The following C16orf95 variants were observed in gnomAD, a reference collection of about 807,000 sequenced individuals.
C16orf95 encodes uncharacterized protein C16orf95.
In C16orf95, 41 loss-of-function variants were observed where a neutral mutation model predicts 32.1. The observed-to-expected ratio is 1.28, with a 90% confidence interval of 1.00 to 1.66. The LOEUF (loss-of-function observed/expected upper bound fraction) is 1.66, where lower values mean the gene tolerates loss of function less well. C16orf95 is among the 40% of genes most tolerant of loss of function. The pLI, the probability that C16orf95 is intolerant of heterozygous loss-of-function variation, is 0.00. For synonymous variants in C16orf95, 147 were observed against 128.9 expected (o/e 1.14, Z -0.95); for missense variants, 399 against 325.9 (o/e 1.22, Z -1.73).
chr16:87,315,163 C>T (rs764651957), intron 2 of C16orf95, 67 bp from the exon 3 acceptor site: 93 of 1,482,128 alleles, frequency 6.3e-5, no homozygotes, highest in Non-Finnish European at 7.8e-5. Context: ...AGGAGGCTCT[C>T]AAGCACAGTA....
In C16orf95 at chr16:87,305,771, G is replaced by A. The variant is rs750278087; in HGVS notation, c.649C>T (p.Leu217Phe). 8 of 1,519,046 alleles carry A rather than the reference G, an allele frequency of 5.3e-6. No individual in the cohort carries two copies. Among genetic ancestry groups the A allele is most frequent in the Non-Finnish European group, 7.0e-6 (8 of 1,138,752 alleles). The allele number at this position is 1,519,046 out of a possible 1,614,324, so 94.1% of individuals were successfully genotyped here. A position where few individuals can be genotyped will look rare whatever the true frequency, so the allele number is the denominator to read the frequency against. ...GCCTGGAGGAGGGTCAGGAGGCCGAGGGGCAGCAGACGCGCTGCAGGAGCC... is the reference window on the plus strand; with the variant it reads ...GCCTGGAGGAGGGTCAGGAGGCCGAAGGGCAGCAGACGCGCTGCAGGAGCC... ...LPAPAARLLP[L>F]GLLTLLQAIP... Residue 217 changes from leucine (L) to phenylalanine (F), a missense_variant, in exon 6 of 7, where the codon CTC becomes TTC. Coordinates refer to ENST00000567970, the MANE Select transcript of C16orf95 (RefSeq NM_001195124.3). This position sits in a 1 kb window ranked among gnomAD's most constrained non-coding sequence, Gnocchi z 4.2.
At chr16:87,306,111 TG>T (rs1911017233) in intron 5 of C16orf95, 1 of 421,606 alleles carries the variant, frequency 2.4e-6, no homozygotes, top group African/African-American at 2.1e-5. Flanking sequence ...ACGGCAGCCT[TG>T]GGGCTGTTTT....
chr16:87,305,147 G>A lies in C16orf95; in HGVS notation c.701+572C>T. On this transcript the variant is annotated intron_variant, in intron 6 of 6. Coordinates refer to ENST00000567970, the MANE Select transcript of C16orf95 (RefSeq NM_001195124.3). The surrounding 1 kb of genome is among the most constrained non-coding windows in gnomAD (Gnocchi z 4.2). ...AAGCCCAGCTGTGGCCCGGGGAGTG[G>A]CCCCGGAGGCTTCCTGGGGGAGGTA... Among the ~76,000 whole-genome samples the A allele has an allele frequency of 6.6e-6, 1 of 152,184 alleles. No individual in the cohort carries two copies.
chr16:87,307,700 G>A (rs1911088652), intron 5 of C16orf95, among the ~76,000 whole-genome samples: 1 of 152,222 alleles, frequency 6.6e-6, no homozygotes, highest in Non-Finnish European at 1.5e-5. Flanking sequence ...AGAGCTTGCA[G>A]TGAGCCGAGA....
rs1169482136 is a variant in C16orf95 at position 87,305,910 on chromosome 16, G to A, written c.515-5C>T. 5 of 1,412,000 alleles carry A rather than the reference G, an allele frequency of 3.5e-6. No homozygotes were observed. In the East Asian group the frequency reaches 1.2e-4, roughly 33 times the overall value. 87.5% of individuals were successfully genotyped at this position (1,412,000 alleles called of 1,614,324 possible). ...AGCATGCATCCAGCAGGGGTGCTAGGCAAAGAAAAGGTGGGTTGAGGACAG... is the reference window on the plus strand; with the variant it reads ...AGCATGCATCCAGCAGGGGTGCTAGACAAAGAAAAGGTGGGTTGAGGACAG... On this transcript the variant is annotated splice_polypyrimidine_tract_variant and splice_region_variant and intron_variant, in intron 5 of 6. Transcript: ENST00000567970. The surrounding 1 kb of genome is among the most constrained non-coding windows in gnomAD (Gnocchi z 4.2).
intron 3 of C16orf95, among the ~76,000 whole-genome samples, chr16:87,312,468 C>A (rs1911326045): frequency 6.7e-6 from 1 of 149,500 alleles, no homozygotes; most frequent in African/African-American, 2.5e-5. Context: ...ACCCGGGAGA[C>A]TGAGGCAGGA....
chr16:87,310,931 C>T (rs1442483569), intron 4 of C16orf95, among the ~76,000 whole-genome samples: 1 of 152,164 alleles, frequency 6.6e-6, no homozygotes, highest in Admixed American at 6.5e-5. Context: ...CTTCCAGTGC[C>T]AACTGGGAGA....
At chr16:87,308,182 C>T (rs74251048) in intron 5 of C16orf95, among the ~76,000 whole-genome samples, 1 of 152,058 alleles carries the variant, frequency 6.6e-6, no homozygotes, top group African/African-American at 2.4e-5. Context: ...TCAAAACACT[C>T]CCATAATAAG....
At chr16:87,315,222 A>G (rs1465415954) in intron 2 of C16orf95, 126 bp from the exon 3 acceptor site, 9 of 1,002,218 alleles carry the variant, frequency 9.0e-6, no homozygotes, top group African/African-American at 1.6e-5. Flanking sequence ...CCCAGCTCCT[A>G]CTGCAGCTTG....
intron 5 of C16orf95, among the ~76,000 whole-genome samples, chr16:87,309,942 C>T (rs1477299229): frequency 6.6e-6 from 1 of 152,054 alleles, no homozygotes; most frequent in Non-Finnish European, 1.5e-5. Flanking sequence ...TGTACTATGT[C>T]ATAAATATAT....
At chr16:87,311,837 G>C (rs1487684384) in intron 3 of C16orf95, among the ~76,000 whole-genome samples, 1 of 152,180 alleles carries the variant, frequency 6.6e-6, no homozygotes, top group Non-Finnish European at 1.5e-5. Context: ...CCATTGTCAG[G>C]AGTGAATGGA....
chr16:87,308,647 A>G (rs377024730), intron 5 of C16orf95, among the ~76,000 whole-genome samples: 1 of 152,194 alleles, frequency 6.6e-6, no homozygotes, highest in East Asian at 1.9e-4. Flanking sequence ...GACCACGTTC[A>G]GCTCTCGATA....
intron 3 of C16orf95, among the ~76,000 whole-genome samples, chr16:87,312,568 C>CAAAAAAAAAAAAAAAA (rs71389850): frequency 3.5e-5 from 3 of 86,012 alleles, no homozygotes; most frequent in African/African-American, 5.2e-5. Flanking sequence ...GACTCCATCT[C>CAAAAAAAAAAAAAAAA]AAAAAAAAAA....
intron 3 of C16orf95, among the ~76,000 whole-genome samples, chr16:87,312,778 C>T (rs75774615): frequency 0.016 from 2,454 of 151,962 alleles, 72 homozygotes; most frequent in African/African-American, 0.057. Flanking sequence ...CAATCATCTA[C>T]ATAGAATAGC....
chr16:87,303,160 A>C (rs1910842612), intron 6 of C16orf95, 85 bp from the exon 7 acceptor site: 3 of 1,400,202 alleles, frequency 2.1e-6, no homozygotes, highest in Non-Finnish European at 2.9e-6. Context: ...GGAAACCTCC[A>C]TGAGCGGAAG....
In C16orf95 at chr16:87,305,155, G is replaced by T. The variant is rs796962290; in HGVS notation, c.701+564C>A. On this transcript the variant is annotated intron_variant, in intron 6 of 6. Transcript: ENST00000567970. This position sits in a 1 kb window ranked among gnomAD's most constrained non-coding sequence, Gnocchi z 4.2. The stretch of plus-strand genomic sequence containing the variant: ...CTGTGGCCCGGGGAGTGGCCCCGGA[G>T]GCTTCCTGGGGGAGGTATCCCAGCA... Among the ~76,000 whole-genome samples the T allele has an allele frequency of 4.6e-5, 7 of 152,308 alleles. No homozygotes were observed. The highest frequency in any genetic ancestry group is 1.4e-4 in the African/African-American group (6 of 41,568).
At chr16:87,312,568 CAAAAAA>C (rs71389850) in intron 3 of C16orf95, among the ~76,000 whole-genome samples, 1 of 86,070 alleles carries the variant, frequency 1.2e-5, no homozygotes, top group Non-Finnish European at 2.1e-5. Flanking sequence ...GACTCCATCT[CAAAAAA>C]AAAAAAAAAA....
chr16:87,317,269 T>C lies in C16orf95; in HGVS notation c.-27A>G, dbSNP rs199522507. On this transcript the variant is annotated 5_prime_UTR_variant, in exon 1 of 7. Transcript: ENST00000567970. Reference sequence around the variant, plus strand: ...TGGCTTCTTATGGCTGACGCGCCCTTTCACACACACATCGTCCGCAGGCCC... The same window carrying C: ...TGGCTTCTTATGGCTGACGCGCCCTCTCACACACACATCGTCCGCAGGCCC... 2,153 of 1,498,466 alleles carry C rather than the reference T, an allele frequency of 1.4e-3. 3 individuals are homozygous for C. Among genetic ancestry groups the C allele is most frequent in the Non-Finnish European group, 1.7e-3 (1,883 of 1,124,920 alleles). 92.8% of individuals were successfully genotyped at this position (1,498,466 alleles called of 1,614,324 possible). A position where few individuals can be genotyped will look rare whatever the true frequency, so the allele number is the denominator to read the frequency against.
chr16:87,303,852 C>G (rs1463677141), intron 6 of C16orf95, among the ~76,000 whole-genome samples: 1 of 152,132 alleles, frequency 6.6e-6, no homozygotes, highest in Non-Finnish European at 1.5e-5. Flanking sequence ...CTCCCCAGAA[C>G]AGTTACTCCA....
Sources: gnomAD v4.1 joint callset for allele counts (sites outside exome capture counted in the v4.1 genomes callset) on GRCh38, gnomAD v4.1.1 for gene constraint, Gnocchi (gnomAD v3.1) non-coding constraint, MANE v1.5 for transcripts, NCBI Gene and HGNC (gene_info 2026-07-23, HGNC 2026-07-21) for gene names.